Variants in C1orf21 observed in about 807,000 individuals in gnomAD.
C1orf21 encodes chromosome 1 open reading frame 21, also known as uncharacterized protein C1orf21.
A neutral mutation model predicts 18.7 loss-of-function variants in C1orf21; 3 were observed. That is an observed-to-expected ratio of 0.16 (90% CI 0.07 to 0.42). The LOEUF (loss-of-function observed/expected upper bound fraction) is 0.42, where lower values mean the gene tolerates loss of function less well. Ranked by LOEUF, C1orf21 falls within the 10% of genes least tolerant of loss-of-function variation. The pLI is 0.99. For missense variants in C1orf21, 104 were observed against 143.6 expected (o/e 0.72, Z 1.41); for synonymous variants, 41 against 46.4 (o/e 0.88, Z 0.47).
chr1:184,512,569 C>G (rs1658165845), intron 3 of C1orf21, among the ~76,000 whole-genome samples: 1 of 152,198 alleles, frequency 6.6e-6, no homozygotes, highest in Non-Finnish European at 1.5e-5. Context: ...ATATATTCCA[C>G]TTTGCTTCTC....
intron 3 of C1orf21, among the ~76,000 whole-genome samples, chr1:184,559,320 T>C (rs1046852148): frequency 2.0e-5 from 3 of 152,092 alleles, no homozygotes; most frequent in African/African-American, 7.2e-5. Flanking sequence ...AAGTGCCTAT[T>C]CCTGCCTCAC....
chr1:184,524,750 A>G (rs2001270), intron 3 of C1orf21, among the ~76,000 whole-genome samples: 72,594 of 151,750 alleles, frequency 0.48, 18,140 homozygotes, highest in African/African-American at 0.64. Context: ...CATTCAACAA[A>G]TTTCAAACCC....
chr1:184,398,674 A>G (rs1656101948), intron 1 of C1orf21, among the ~76,000 whole-genome samples: 1 of 152,228 alleles, frequency 6.6e-6, no homozygotes, highest in East Asian at 1.9e-4. Context: ...GATATAGCCT[A>G]TTGCTCCTAG....
intron 2 of C1orf21, among the ~76,000 whole-genome samples, chr1:184,503,533 A>G (rs2101961945): frequency 6.6e-6 from 1 of 152,202 alleles, no homozygotes; most frequent in East Asian, 1.9e-4. Flanking sequence ...TGCATCGCTT[A>G]GTACAGAGCC....
At chr1:184,444,359 G>GT (rs748339134) in intron 1 of C1orf21, among the ~76,000 whole-genome samples, 7 of 152,148 alleles carry the variant, frequency 4.6e-5, no homozygotes, top group Non-Finnish European at 8.8e-5. Context: ...CATGGGGTCA[G>GT]TTTCCACCGT....
chr1:184,483,265 A>G (rs1657683065), intron 2 of C1orf21, among the ~76,000 whole-genome samples: 1 of 152,210 alleles, frequency 6.6e-6, no homozygotes, highest in Admixed American at 6.5e-5. Context: ...TGCAAAAAGT[A>G]AGTGACCAAC....
At chr1:184,444,107 A>G (rs1656992189) in intron 1 of C1orf21, among the ~76,000 whole-genome samples, 1 of 152,132 alleles carries the variant, frequency 6.6e-6, no homozygotes, top group Admixed American at 6.5e-5. Flanking sequence ...GACATTCTGG[A>G]AAGAGATCCC....
At chr1:184,484,064 CAGG>C (rs1398651137) in intron 2 of C1orf21, among the ~76,000 whole-genome samples, 2 of 152,096 alleles carry the variant, frequency 1.3e-5, no homozygotes, top group African/African-American at 4.8e-5. Flanking sequence ...GCTGGGATTA[CAGG>C]CACCCACCAC....
chr1:184,464,398 A>C (rs1203211386), intron 1 of C1orf21, among the ~76,000 whole-genome samples: 1 of 152,204 alleles, frequency 6.6e-6, no homozygotes, highest in Admixed American at 6.5e-5. Context: ...CCTAGACCTT[A>C]AGTTATTAAG....
At chr1:184,569,881 A>C (rs1659085654) in intron 3 of C1orf21, among the ~76,000 whole-genome samples, 1 of 152,350 alleles carries the variant, frequency 6.6e-6, no homozygotes, top group Non-Finnish European at 1.5e-5. Flanking sequence ...TGGCATAGCC[A>C]TATGTCCTAA....
At chr1:184,549,062 T>C (rs1658773152) in intron 3 of C1orf21, among the ~76,000 whole-genome samples, 2 of 152,212 alleles carry the variant, frequency 1.3e-5, no homozygotes, top group South Asian at 4.2e-4. Context: ...AAAAATACTA[T>C]TCTGAGAAGA....
At chr1:184,511,731 A>G (rs1658149220) in intron 3 of C1orf21, among the ~76,000 whole-genome samples, 1 of 152,178 alleles carries the variant, frequency 6.6e-6, no homozygotes, top group African/African-American at 2.4e-5. Flanking sequence ...ACAGTTCCGC[A>G]TGGCTGGGGA....
At chr1:184,497,297 A>G (rs935510798) in intron 2 of C1orf21, among the ~76,000 whole-genome samples, 1 of 152,208 alleles carries the variant, frequency 6.6e-6, no homozygotes, top group East Asian at 1.9e-4. Context: ...CATTATTCCT[A>G]AAGAGCTATT....
intron 3 of C1orf21, among the ~76,000 whole-genome samples, chr1:184,527,350 A>G (rs1658392696): frequency 6.6e-6 from 1 of 152,224 alleles, no homozygotes; most frequent in South Asian, 2.1e-4. Context: ...CATAGTCTGG[A>G]AGAAACAGGC....
chr1:184,506,748 G>A (rs181895008), intron 2 of C1orf21, among the ~76,000 whole-genome samples: 28 of 152,232 alleles, frequency 1.8e-4, no homozygotes, highest in Non-Finnish European at 5.9e-5. Flanking sequence ...TCATCATAGT[G>A]ATCAGTCTTC....
intron 3 of C1orf21, among the ~76,000 whole-genome samples, chr1:184,540,770 T>TA (rs1178324146): frequency 6.6e-6 from 1 of 152,136 alleles, no homozygotes; most frequent in Non-Finnish European, 1.5e-5. Context: ...TTTATGAAGC[T>TA]AAAAAGTTAT....
chr1:184,549,595 A>G (rs2101981065), intron 3 of C1orf21, among the ~76,000 whole-genome samples: 1 of 151,976 alleles, frequency 6.6e-6, no homozygotes, highest in South Asian at 2.1e-4. Flanking sequence ...CCTATGATAT[A>G]ACATCTTTTG....
intron 1 of C1orf21, among the ~76,000 whole-genome samples, chr1:184,435,543 A>G (rs1239642648): frequency 1.3e-5 from 2 of 152,162 alleles, no homozygotes; most frequent in Non-Finnish European, 2.9e-5. Flanking sequence ...GGGTTTCCCC[A>G]TGTTGGTGAG....
chr1:184,581,372 G>A (rs1659274595), intron 3 of C1orf21, among the ~76,000 whole-genome samples: 1 of 151,868 alleles, frequency 6.6e-6, no homozygotes, highest in Admixed American at 6.6e-5. Context: ...GAAGGTTGCA[G>A]TGAGCCGAGA....
Sources: gnomAD v4.1 joint callset for allele counts (sites outside exome capture counted in the v4.1 genomes callset) on GRCh38, gnomAD v4.1.1 for gene constraint, MANE v1.5 for transcripts, NCBI Gene and HGNC (gene_info 2026-07-23, HGNC 2026-07-21) for gene names.